The following PCDHA2 variants were observed in gnomAD, a reference collection of about 807,000 sequenced individuals.
PCDHA2 encodes protocadherin alpha-2.
A neutral mutation model predicts 66.0 loss-of-function variants in PCDHA2; 58 were observed. That is an observed-to-expected ratio of 0.88 (90% CI 0.71 to 1.09). The LOEUF (loss-of-function observed/expected upper bound fraction) is 1.09, where lower values mean the gene tolerates loss of function less well. PCDHA2 is among the 50% of genes least tolerant of loss of function. PCDHA2 has a pLI of 0.00. For synonymous variants in PCDHA2, 634 were observed against 554.0 expected (o/e 1.14, Z -2.03); for missense variants, 1,267 against 1,242.3 (o/e 1.02, Z -0.30).
intron 1 of PCDHA2, chr5:140,835,562 T>C (rs1470356959): frequency 6.8e-6 from 11 of 1,613,922 alleles, no homozygotes; most frequent in Non-Finnish European, 8.5e-6. Flanking sequence ...CGCCCCGCGT[T>C]CCCTTCAAGT....
intron 1 of PCDHA2, chr5:140,830,587 T>G (rs1554132940): frequency 1.3e-6 from 1 of 755,644 alleles, no homozygotes; most frequent in East Asian, 3.3e-5. Flanking sequence ...TTTAATTAAT[T>G]TTACAAAATT....
intron 1 of PCDHA2, among the ~76,000 whole-genome samples, chr5:140,934,320 T>C (rs910163789): frequency 6.6e-6 from 1 of 152,154 alleles, no homozygotes; most frequent in Non-Finnish European, 1.5e-5. Flanking sequence ...AAATGTCCAA[T>C]CATGAATGTA....
intron 1 of PCDHA2, chr5:140,851,862 A>G: frequency 2.0e-6 from 2 of 976,238 alleles, no homozygotes; most frequent in Non-Finnish European, 2.5e-6. Context: ...CAGCTCATAC[A>G]TAACACAAGG....
At chr5:140,829,936 A>G in intron 1 of PCDHA2, 2 of 1,613,968 alleles carry the variant, frequency 1.2e-6, no homozygotes, top group Non-Finnish European at 1.7e-6. Context: ...AGCCCCCGGC[A>G]AGCAGCGCTC....
chr5:140,935,985 C>G (rs155825), intron 1 of PCDHA2, among the ~76,000 whole-genome samples: 1 of 150,926 alleles, frequency 6.6e-6, no homozygotes, highest in Admixed American at 6.6e-5. Context: ...CTCTGCCTCC[C>G]GGGTTCAAGC....
chr5:140,851,265 CTTGTA>C, intron 1 of PCDHA2: 1 of 1,075,054 alleles, frequency 9.3e-7, no homozygotes, highest in Non-Finnish European at 1.2e-6. Flanking sequence ...TTTTAGTCTA[CTTGTA>C]TTGTTTATAA....
intron 1 of PCDHA2, chr5:140,883,983 G>A (rs2059929181): frequency 6.2e-7 from 1 of 1,612,892 alleles, no homozygotes; most frequent in East Asian, 2.2e-5. Flanking sequence ...GGGGCTGGCA[G>A]CGCGGGAGGC....
chr5:140,843,757 G>A, intron 1 of PCDHA2: 1 of 1,504,904 alleles, frequency 6.6e-7, no homozygotes, highest in Non-Finnish European at 9.1e-7. Context: ...TCTATTTGTG[G>A]AAATTGTAGT....
intron 3 of PCDHA2, among the ~76,000 whole-genome samples, chr5:141,000,419 A>G (rs1394449061): frequency 1.6e-5 from 1 of 61,008 alleles, no homozygotes; most frequent in African/African-American, 7.6e-5. Flanking sequence ...ATATATATAT[A>G]TATTTTTTTT....
intron 1 of PCDHA2, chr5:140,969,441 G>T (rs1554231808): frequency 1.9e-6 from 3 of 1,543,640 alleles, no homozygotes; most frequent in Non-Finnish European, 2.6e-6. Flanking sequence ...GAGTTATCTG[G>T]TAAACTGAGT....
intron 3 of PCDHA2, among the ~76,000 whole-genome samples, chr5:140,989,709 C>T (rs2097355670): frequency 6.6e-6 from 1 of 152,160 alleles, no homozygotes; most frequent in South Asian, 2.1e-4. Flanking sequence ...TCTTCAGAGG[C>T]AGTCAGCTTT....
chr5:140,926,890 A>ACCCTCCCT (rs782687521), intron 1 of PCDHA2: 1 of 1,543,756 alleles, frequency 6.5e-7, no homozygotes, highest in Non-Finnish European at 8.7e-7. Context: ...GCCTAGAGGG[A>ACCCTCCCT]GGATGGTGGG....
At position 140,968,051 on chromosome 5, in the gene PCDHA2, C is replaced by A. The variant is rs1353005851; in HGVS notation, c.2389-10898C>A. On this transcript the variant is annotated intron_variant, in intron 1 of 3. Transcript: ENST00000526136. ...ACTGGTGGTGAGCGGCCCACTGGACCGAGAGCGGGTGGCTGTCTACAACAT... is the reference window on the plus strand; with the variant it reads ...ACTGGTGGTGAGCGGCCCACTGGACAGAGAGCGGGTGGCTGTCTACAACAT... The A allele has an allele frequency of 1.9e-6, 3 of 1,614,018 alleles. No homozygotes were observed. The Admixed American group carries it at 5.0e-5, about 27-fold the overall frequency.
intron 1 of PCDHA2, chr5:140,968,436 C>T (rs1479503016): frequency 3.1e-6 from 5 of 1,613,876 alleles, no homozygotes; most frequent in Non-Finnish European, 3.4e-6. Context: ...AAGGGGAGCC[C>T]ACCACTGAGC....
Position 141,010,240 on chromosome 5 carries a change from G to A in PCDHA2, c.*303G>A. The A allele has an allele frequency of 6.4e-7, 1 of 1,551,928 alleles. No homozygotes were observed. The highest frequency in any genetic ancestry group is 8.7e-7 in the Non-Finnish European group (1 of 1,147,042). ...GGCTTCCCAGCCCCGCCAGTGAGAGGTTGGACTCTCTGCCCTGTGCTCCGG... is the reference window on the plus strand; with the variant it reads ...GGCTTCCCAGCCCCGCCAGTGAGAGATTGGACTCTCTGCCCTGTGCTCCGG... On this transcript the variant is annotated 3_prime_UTR_variant, in exon 4 of 4. Coordinates refer to ENST00000526136, the MANE Select transcript of PCDHA2 (RefSeq NM_018905.3).
chr5:140,992,857 CTCT>C (rs2097531206), intron 3 of PCDHA2, among the ~76,000 whole-genome samples: 2 of 152,148 alleles, frequency 1.3e-5, no homozygotes, highest in Non-Finnish European at 2.9e-5. Context: ...ACCAGTTTCA[CTCT>C]AGCTCCCTCC....
Position 140,795,612 on chromosome 5 carries a change from TGGG to T in PCDHA2, c.651_653del (p.Gly218del). 3 of 1,614,180 alleles carry T rather than the reference TGGG, an allele frequency of 1.9e-6. No individual in the cohort carries two copies. Among genetic ancestry groups the T allele is most frequent in the Non-Finnish European group, 2.5e-6 (3 of 1,180,036 alleles). ...TTAATTTGTTACTGGTGGCTACTGA[TGGG>T]GGCAAACCTGAGCTCACGGGCACCG... is the stretch of plus-strand genomic sequence containing the variant. On this transcript the variant is annotated inframe_deletion, in exon 1 of 4. Transcript: ENST00000526136.
intron 1 of PCDHA2, chr5:140,802,616 C>G (rs1554122246): frequency 6.2e-7 from 1 of 1,613,996 alleles, no homozygotes; most frequent in Admixed American, 1.7e-5. Context: ...CGGGCTGCCA[C>G]ATCTTCACGG....
chr5:140,835,758 G>A (rs2150244199), intron 1 of PCDHA2: 9 of 1,613,436 alleles, frequency 5.6e-6, no homozygotes, highest in Non-Finnish European at 7.6e-6. Flanking sequence ...CGCGCAGCCC[G>A]AGTATACGGT....
Sources: allele counts gnomAD v4.1 joint callset (sites outside exome capture counted in the v4.1 genomes callset), GRCh38; gene constraint gnomAD v4.1.1; transcripts MANE v1.5; gene names NCBI Gene and HGNC (gene_info 2026-07-23, HGNC 2026-07-21).